The following RBM33 variants were observed in gnomAD, a reference collection of about 807,000 sequenced individuals.
The protein encoded by RBM33 is RNA binding motif protein 33.
A neutral mutation model predicts 132.6 loss-of-function variants in RBM33; 28 were observed. The observed-to-expected ratio is 0.21, with a 90% CI of 0.16 to 0.29. RBM33 has a LOEUF of 0.29. RBM33 is among the 10% of genes least tolerant of loss of function. RBM33 has a pLI of 1.00. For missense variants in RBM33, 1,291 were observed against 1,518.5 expected (o/e 0.85, Z 2.49); for synonymous variants, 634 against 593.0 (o/e 1.07, Z -1.01).
rs985018092 is a variant in RBM33 at position 155,779,237 on chromosome 7, T to A, written c.*4196T>A. 1 of 120,566 alleles carries A rather than the reference T, an allele frequency of 8.3e-6. No homozygotes were observed. The highest frequency in any genetic ancestry group is 3.2e-5 in the African/African-American group (1 of 31,650). The allele number at this position is 120,566 out of a possible 1,614,324, so 7.5% of individuals were successfully genotyped here. ...TAATTTGGAGTGGGAGGGAGGGGGG[T>A]GGGCGAGAGAAAGCTCGAAAGGTAT... On this transcript the variant is annotated 3_prime_UTR_variant, in exon 18 of 18. Transcript: ENST00000401878.
chr7:155,644,797 C>G lies in RBM33; in HGVS notation c.-80C>G, dbSNP rs2116853169. On this transcript the variant is annotated 5_prime_UTR_variant, in exon 1 of 18. Coordinates refer to ENST00000401878, the MANE Select transcript of RBM33 (RefSeq NM_053043.3). ...CCTCCCTTCTCTGTCCTCCGTCACC[C>G]GTACCCGGGCCCGGACCAGGCACGT... 1 of 1,239,314 alleles carries G rather than the reference C, an allele frequency of 8.1e-7. No homozygotes were observed. The allele number at this position is 1,239,314 out of a possible 1,614,324, so 76.8% of individuals were successfully genotyped here. A position where few individuals can be genotyped will look rare whatever the true frequency, so the allele number is the denominator to read the frequency against.
intron 14 of RBM33, among the ~76,000 whole-genome samples, chr7:155,759,885 G>A (rs1229890068): frequency 2.6e-5 from 4 of 152,274 alleles, no homozygotes; most frequent in South Asian, 4.1e-4. Context: ...CTTGCTGTCC[G>A]TCATGTTCTG....
chr7:155,753,739 C>T (rs1292609982), intron 14 of RBM33, among the ~76,000 whole-genome samples: 1 of 152,196 alleles, frequency 6.6e-6, no homozygotes, highest in Non-Finnish European at 1.5e-5. Flanking sequence ...GAGAGATGCA[C>T]ATTCAGGTGC....
intron 9 of RBM33, among the ~76,000 whole-genome samples, chr7:155,726,406 T>C (rs1800796671): frequency 6.6e-6 from 1 of 151,972 alleles, no homozygotes; most frequent in Non-Finnish European, 1.5e-5. Flanking sequence ...TTGAATAGGA[T>C]TAATATAGAT....
intron 9 of RBM33, among the ~76,000 whole-genome samples, chr7:155,721,606 A>G (rs762663756): frequency 5.3e-5 from 8 of 152,126 alleles, no homozygotes; most frequent in Non-Finnish European, 1.2e-4. Context: ...TACATTTGCT[A>G]TTTATGCTTA....
At position 155,776,786 on chromosome 7, in the gene RBM33, A is replaced by C. The variant is rs1296135737; in HGVS notation, c.*1745A>C. ...TCACCATGCCTGCAGGAGGCTGTCC[A>C]GGGAGCAGGTCTGTGTGCCCATCAG... On this transcript the variant is annotated 3_prime_UTR_variant, in exon 18 of 18. Transcript: ENST00000401878. The surrounding 1 kb of genome is among the most constrained non-coding windows in gnomAD (Gnocchi z 4.0). 6.6e-6 allele frequency: 1 copy of C among 152,282 alleles called. No homozygotes were observed. 9.4% of individuals were successfully genotyped at this position (152,282 alleles called of 1,614,324 possible).
rs188993724 is a variant in RBM33, at chr7:155,731,214, G to T, written c.1261-6316G>T. On this transcript the variant is annotated intron_variant, in intron 9 of 17. Coordinates refer to ENST00000401878, the MANE Select transcript of RBM33 (RefSeq NM_053043.3). ...TCTTTTTGAGGACTTGAAATTAGCT[G>T]CCTGATGGAAGGTAGGAAAGAAGGT... Among the ~76,000 whole-genome samples, 11 of 152,256 alleles carry T rather than the reference G, an allele frequency of 7.2e-5. No individual in the cohort carries two copies. The East Asian group carries it at 1.5e-3, about 21-fold the overall frequency.
intron 9 of RBM33, among the ~76,000 whole-genome samples, chr7:155,720,493 G>T (rs1446162569): frequency 6.6e-6 from 1 of 152,110 alleles, no homozygotes; most frequent in African/African-American, 2.4e-5. Flanking sequence ...GATCTTCGTT[G>T]AGTAAAGTTA....
intron 14 of RBM33, among the ~76,000 whole-genome samples, chr7:155,763,419 C>G (rs1487186829): frequency 6.6e-6 from 1 of 152,246 alleles, no homozygotes; most frequent in African/African-American, 2.4e-5. Flanking sequence ...AAAACCACTG[C>G]TCATGCAAAC....
chr7:155,718,106 A>G (rs192905257), intron 8 of RBM33, among the ~76,000 whole-genome samples: 2 of 152,304 alleles, frequency 1.3e-5, no homozygotes, highest in Admixed American at 6.5e-5. Flanking sequence ...GAGGAATACT[A>G]TCTTCTTTTG....
chr7:155,669,873 G>T (rs1008215900), intron 2 of RBM33, among the ~76,000 whole-genome samples: 1 of 152,124 alleles, frequency 6.6e-6, no homozygotes, highest in Non-Finnish European at 1.5e-5. Flanking sequence ...ACTTGGTGAC[G>T]TTATGTTGGT....
In RBM33 at chr7:155,742,066, C is replaced by T; in HGVS notation, c.2297C>T (p.Pro766Leu). ...KTEVKVKPAS[P>L]VAQPKEEAKT... ...GAAGTGAAAGTCAAGCCAGCTAGCC[C>T]TGTGGCTCAACCTAAAGAAGAGGCA... is the stretch of plus-strand genomic sequence containing the variant. The change falls in exon 13 of 18, where the codon CCT becomes CTT. Residue 766 changes from proline to leucine, a missense_variant. This residue lies in a region of RBM33 where 841 missense variants were observed against 912.0 expected (regional missense o/e 0.92). Coordinates refer to ENST00000401878, the MANE Select transcript of RBM33 (RefSeq NM_053043.3). 1.2e-6 allele frequency: 2 copies of T among 1,613,952 alleles called. No homozygotes were observed. Among genetic ancestry groups the T allele is most frequent in the Non-Finnish European group, 1.7e-6 (2 of 1,179,870 alleles).
At chr7:155,711,957 T>C (rs548905655) in intron 8 of RBM33, among the ~76,000 whole-genome samples, 1 of 152,364 alleles carries the variant, frequency 6.6e-6, no homozygotes, top group Non-Finnish European at 1.5e-5. Flanking sequence ...AGATTGAGTT[T>C]TCCTTGGCTC....
At chr7:155,661,434 GTC>G (rs755505613) in intron 1 of RBM33, among the ~76,000 whole-genome samples, 14 of 141,996 alleles carry the variant, frequency 9.9e-5, no homozygotes, top group Non-Finnish European at 2.0e-4. Context: ...CCCAGACAGA[GTC>G]TTGCTCTGTG....
chr7:155,712,795 G>A (rs1051841301), intron 8 of RBM33, among the ~76,000 whole-genome samples: 10 of 152,240 alleles, frequency 6.6e-5, no homozygotes, highest in Non-Finnish European at 1.3e-4. Flanking sequence ...CCTGGGTACC[G>A]TGGGGCCGTG....
intron 16 of RBM33, among the ~76,000 whole-genome samples, chr7:155,768,958 A>G (rs1299393425): frequency 6.6e-6 from 1 of 152,032 alleles, no homozygotes; most frequent in Non-Finnish European, 1.5e-5. Context: ...GAATTTGAGA[A>G]CTTTTCTCAG....
intron 5 of RBM33, chr7:155,685,016 G>A: frequency 6.4e-7 from 1 of 1,550,390 alleles, no homozygotes; most frequent in Non-Finnish European, 8.7e-7. Context: ...AATTAGATGA[G>A]ATTACTGATG....
At position 155,766,769 on chromosome 7, in the gene RBM33, C is replaced by T. The variant is rs574124016; in HGVS notation, c.3375+114C>T. 1.2e-4 allele frequency: 123 copies of T among 1,013,752 alleles called. No individual in the cohort carries two copies. The Middle Eastern group carries it at 1.7e-3, about 14-fold the overall frequency. 62.8% of individuals were successfully genotyped at this position (1,013,752 alleles called of 1,614,324 possible). ...TTGGCTACTTCATATTAAAATAATA[C>T]TTGGGAAGTAAGACAAATAACCTGT... is the stretch of plus-strand genomic sequence containing the variant. On this transcript the variant is annotated intron_variant, in intron 16 of 17. Coordinates refer to ENST00000401878, the MANE Select transcript of RBM33 (RefSeq NM_053043.3).
intron 5 of RBM33, among the ~76,000 whole-genome samples, chr7:155,688,640 A>G (rs1421795961): frequency 6.6e-6 from 1 of 152,174 alleles, no homozygotes; most frequent in South Asian, 2.1e-4. Context: ...TATTATTTTG[A>G]GATACGTCCC....
Sources: allele counts gnomAD v4.1 joint callset (sites outside exome capture counted in the v4.1 genomes callset), GRCh38; gene constraint gnomAD v4.1.1; regional missense constraint gnomAD v4.1.1; non-coding constraint Gnocchi (gnomAD v3.1); transcripts MANE v1.5; gene names NCBI Gene and HGNC (gene_info 2026-07-23, HGNC 2026-07-21).